Variants in WDR7 observed in about 807,000 individuals in gnomAD.
WDR7 encodes the protein WD repeat-containing protein 7.
In WDR7, 46 loss-of-function variants were observed where a neutral mutation model predicts 169.4. The observed-to-expected ratio is 0.27, with a 90% CI of 0.21 to 0.35. The LOEUF (loss-of-function observed/expected upper bound fraction) is 0.35, where lower values mean the gene tolerates loss of function less well. Ranked by LOEUF, WDR7 falls within the 10% of genes least tolerant of loss-of-function variation. WDR7 has a pLI of 1.00. For missense variants in WDR7, 1,534 were observed against 1,859.3 expected (o/e 0.83, Z 3.22); for synonymous variants, 612 against 666.8 (o/e 0.92, Z 1.27).
At chr18:56,694,867 A>T (rs1719402969) in intron 10 of WDR7, 83 bp from the exon 11 acceptor site, 1 of 1,541,582 alleles carries the variant, frequency 6.5e-7, no homozygotes, top group Non-Finnish European at 8.7e-7. Flanking sequence ...TGATTACTGG[A>T]TCAATCAACA....
chr18:56,677,555 G>T (rs676993), intron 2 of WDR7, among the ~76,000 whole-genome samples: 139,623 of 152,118 alleles, frequency 0.92, 65,249 homozygotes, highest in East Asian at 1. Flanking sequence ...TTGCCATTTT[G>T]CCCAGGCTGG....
At chr18:57,014,283 G>T (rs1441708133) in intron 26 of WDR7, among the ~76,000 whole-genome samples, 1 of 148,100 alleles carries the variant, frequency 6.8e-6, no homozygotes, top group Admixed American at 6.8e-5. Context: ...CCGAGATCGT[G>T]CCATTGCACT....
At chr18:56,870,419 T>C (rs960483438) in intron 20 of WDR7, among the ~76,000 whole-genome samples, 2 of 151,454 alleles carry the variant, frequency 1.3e-5, no homozygotes, top group Non-Finnish European at 2.9e-5. Flanking sequence ...TCATTATAAT[T>C]CTAAAACATG....
At chr18:56,712,575 T>G (rs548057003) in intron 12 of WDR7, among the ~76,000 whole-genome samples, 1 of 152,356 alleles carries the variant, frequency 6.6e-6, no homozygotes, top group Non-Finnish European at 1.5e-5. Context: ...TGTTAGCCTT[T>G]ACTTTTAATT....
At chr18:56,720,473 C>G (rs766487577) in intron 13 of WDR7, among the ~76,000 whole-genome samples, 1 of 152,038 alleles carries the variant, frequency 6.6e-6, no homozygotes, top group African/African-American at 2.4e-5. Context: ...AAAAAAAACC[C>G]TATAACTATT....
At chr18:56,694,198 C>CA (rs1555678526) in intron 9 of WDR7, among the ~76,000 whole-genome samples, 1 of 151,600 alleles carries the variant, frequency 6.6e-6, no homozygotes, top group Non-Finnish European at 1.5e-5. Context: ...CAGGAGTGGG[C>CA]AAAAAAAGCA....
intron 20 of WDR7, among the ~76,000 whole-genome samples, chr18:56,843,491 A>T (rs2045518265): frequency 1.3e-5 from 2 of 152,336 alleles, no homozygotes; most frequent in South Asian, 4.1e-4. Flanking sequence ...TATTTCACTT[A>T]GCATAGTGGC....
At chr18:56,930,703 C>T (rs4800955) in intron 22 of WDR7, among the ~76,000 whole-genome samples, 5,676 of 152,262 alleles carry the variant, frequency 0.037, 132 homozygotes, top group Non-Finnish European at 0.053. Flanking sequence ...AGGGGCTATA[C>T]ATTAAGTATG....
chr18:56,966,969 G>A (rs772469622), intron 26 of WDR7, among the ~76,000 whole-genome samples: 11 of 152,168 alleles, frequency 7.2e-5, no homozygotes, highest in Non-Finnish European at 1.3e-4. Context: ...TGTGTCAGAA[G>A]TCAAAATGGT....
chr18:56,807,814 C>T (rs2044801822), intron 19 of WDR7, among the ~76,000 whole-genome samples: 1 of 151,994 alleles, frequency 6.6e-6, no homozygotes, highest in Admixed American at 6.6e-5. Flanking sequence ...ATTTTTATTT[C>T]TCTAATTACT....
intron 16 of WDR7, among the ~76,000 whole-genome samples, chr18:56,768,411 C>G (rs1442042251): frequency 1.3e-5 from 2 of 152,116 alleles, no homozygotes; most frequent in Non-Finnish European, 2.9e-5. Flanking sequence ...AGCTCACTTT[C>G]TATTTTAATA....
intron 21 of WDR7, among the ~76,000 whole-genome samples, chr18:56,897,689 G>T (rs867725133): frequency 2.7e-4 from 41 of 151,742 alleles, no homozygotes; most frequent in African/African-American, 8.7e-4. Context: ...TAAAAGAAGG[G>T]CATAAAAATG....
At chr18:56,837,742 C>T (rs755179200) in intron 20 of WDR7, among the ~76,000 whole-genome samples, 26 of 152,184 alleles carry the variant, frequency 1.7e-4, no homozygotes, top group African/African-American at 5.5e-4. Flanking sequence ...CTTACTGCAA[C>T]CTCTGCCTCC....
At chr18:56,793,087 T>C (rs138925042) in intron 19 of WDR7, among the ~76,000 whole-genome samples, 40 of 152,318 alleles carry the variant, frequency 2.6e-4, no homozygotes, top group African/African-American at 8.7e-4. Context: ...CTAAAATAGT[T>C]GTCTCCTGGA....
At chr18:57,033,256 G>A (rs1001168031), downstream of WDR7, 1 of 152,168 alleles carries the variant, frequency 6.6e-6, no homozygotes, top group Non-Finnish European at 1.5e-5. Context: ...AGGTTTCCCA[G>A]AGAGGAAACA....
chr18:56,807,320 G>A (rs1251532742), intron 19 of WDR7, among the ~76,000 whole-genome samples: 1 of 151,986 alleles, frequency 6.6e-6, no homozygotes, highest in Non-Finnish European at 1.5e-5. Context: ...GTATCAAAAC[G>A]GTTTTTTCTT....
intron 3 of WDR7, among the ~76,000 whole-genome samples, chr18:56,680,818 TC>T (rs2025337847): frequency 1.3e-5 from 2 of 152,228 alleles, no homozygotes; most frequent in Non-Finnish European, 2.9e-5. Flanking sequence ...TTTGAAATTC[TC>T]TAGCTACCTG....
intron 26 of WDR7, among the ~76,000 whole-genome samples, chr18:56,996,760 G>A (rs1162440573): frequency 2.0e-5 from 3 of 152,192 alleles, no homozygotes; most frequent in Non-Finnish European, 4.4e-5. Context: ...AGTACAAAAT[G>A]GAGCTTAAAA....
intron 20 of WDR7, among the ~76,000 whole-genome samples, chr18:56,840,098 A>C (rs897501480): frequency 6.6e-6 from 1 of 151,992 alleles, no homozygotes; most frequent in African/African-American, 2.4e-5. Flanking sequence ...ACAAACAAAA[A>C]AATAAGCAAA....
Sources: gnomAD v4.1 joint callset for allele counts (sites outside exome capture counted in the v4.1 genomes callset) on GRCh38, gnomAD v4.1.1 for gene constraint, MANE v1.5 for transcripts, NCBI Gene and HGNC (gene_info 2026-07-23, HGNC 2026-07-21) for gene names.